Variants in DPY19L2 observed in about 807,000 individuals in gnomAD.
DPY19L2 encodes dpy-19 like 2.
Under a neutral mutation model 97.9 loss-of-function variants are expected in DPY19L2, and 34 were observed. That is an observed-to-expected ratio of 0.35 (90% CI 0.26 to 0.46). The LOEUF is 0.46. DPY19L2 is among the 20% of genes least tolerant of loss of function. DPY19L2 has a pLI of 1.00. For synonymous variants in DPY19L2, 230 were observed against 307.9 expected (o/e 0.75, Z 2.65); for missense variants, 623 against 911.4 (o/e 0.68, Z 4.07).
intron 21 of DPY19L2, among the ~76,000 whole-genome samples, chr12:63,564,593 T>C (rs1197630636): frequency 1.3e-5 from 2 of 152,198 alleles, no homozygotes; most frequent in Non-Finnish European, 2.9e-5. Context: ...TCAGAGATTG[T>C]ATTTTACATG....
At chr12:63,635,005 G>A (rs1472471932) in intron 6 of DPY19L2, among the ~76,000 whole-genome samples, 12 of 152,126 alleles carry the variant, frequency 7.9e-5, no homozygotes, top group African/African-American at 2.9e-4. Context: ...CCTGACCTCC[G>A]AGTAGCATAA....
At chr12:63,665,768 T>G (rs1896263116) in intron 2 of DPY19L2, 67 bp downstream of exon 2, 1 of 1,264,120 alleles carries the variant, frequency 7.9e-7, no homozygotes, top group Non-Finnish European at 1.1e-6. Context: ...TTTTACTGTA[T>G]GCAAAGAGTG....
intron 12 of DPY19L2, 90 bp downstream of exon 12, chr12:63,608,526 A>C: frequency 8.5e-7 from 1 of 1,178,178 alleles, no homozygotes; most frequent in Non-Finnish European, 1.2e-6. Flanking sequence ...ACTATAAATC[A>C]TTAGCATTTT....
At chr12:63,660,733 T>C (rs542802894) in intron 4 of DPY19L2, among the ~76,000 whole-genome samples, 254 of 152,238 alleles carry the variant, frequency 1.7e-3, no homozygotes, top group Non-Finnish European at 2.9e-3. Flanking sequence ...AAGTTTTCAT[T>C]AATATGCTGG....
chr12:63,584,708 T>C (rs561371613), intron 16 of DPY19L2, among the ~76,000 whole-genome samples: 13 of 152,236 alleles, frequency 8.5e-5, no homozygotes, highest in Non-Finnish European at 1.8e-4. Context: ...AAGTAACCCT[T>C]TTCTGACTTA....
chr12:63,587,557 A>AATTATTATTATTATTATT lies in DPY19L2; in HGVS notation c.1581-3739_1581-3722dup, dbSNP rs201195590. On this transcript the variant is annotated intron_variant, in intron 16 of 21. Transcript: ENST00000324472. ...AAGAAACTAGTTAGACATTTTTAAA[A>AATTATTATTATTATTATT]ATTATTATTATTATTATTATTATTA... Among the ~76,000 whole-genome samples the AATTATTATTATTATTATT allele has an allele frequency of 5.7e-3, 781 of 136,218 alleles. 4 individuals are homozygous for AATTATTATTATTATTATT. Among genetic ancestry groups the AATTATTATTATTATTATT allele is most frequent in the Non-Finnish European group, 8.0e-3 (510 of 63,906 alleles). 89.4% of individuals were successfully genotyped at this position (136,218 alleles called of 152,430 possible). A position where few individuals can be genotyped will look rare whatever the true frequency, so the allele number is the denominator to read the frequency against.
At chr12:63,610,486 A>G (rs1212799342) in intron 11 of DPY19L2, among the ~76,000 whole-genome samples, 1 of 151,904 alleles carries the variant, frequency 6.6e-6, no homozygotes, top group Non-Finnish European at 1.5e-5. Flanking sequence ...GCAACTATGA[A>G]CAATTATATG....
intron 8 of DPY19L2, among the ~76,000 whole-genome samples, chr12:63,622,901 G>A (rs1294208925): frequency 2.0e-5 from 3 of 152,154 alleles, no homozygotes; most frequent in Non-Finnish European, 4.4e-5. Flanking sequence ...TCCAGCCTGG[G>A]TGACAGAGCA....
intron 11 of DPY19L2, among the ~76,000 whole-genome samples, chr12:63,612,602 T>TAAA (rs1887194032): frequency 3.4e-5 from 2 of 59,506 alleles, no homozygotes; most frequent in South Asian, 8.7e-4. Context: ...CTTTATACCT[T>TAAA]TAAAAAAAAA....
chr12:63,632,917 T>C (rs1284218552), intron 6 of DPY19L2, among the ~76,000 whole-genome samples: 1 of 152,080 alleles, frequency 6.6e-6, no homozygotes, highest in Non-Finnish European at 1.5e-5. Context: ...GCTGCATATC[T>C]ACAACCATCT....
At chr12:63,604,034 C>T (rs773042833) in intron 12 of DPY19L2, among the ~76,000 whole-genome samples, 1 of 152,310 alleles carries the variant, frequency 6.6e-6, no homozygotes, top group African/African-American at 2.4e-5. Context: ...TTCAATTAAC[C>T]ATTCTTTAAG....
chr12:63,628,666 C>A (rs1890029988), intron 6 of DPY19L2, among the ~76,000 whole-genome samples: 1 of 152,004 alleles, frequency 6.6e-6, no homozygotes, highest in East Asian at 1.9e-4. Flanking sequence ...CAAAAGGCAG[C>A]AGAATCCTCT....
At chr12:63,582,723 G>A (rs1372919122) in intron 17 of DPY19L2, among the ~76,000 whole-genome samples, 198 bp from the exon 18 acceptor site, 1 of 152,144 alleles carries the variant, frequency 6.6e-6, no homozygotes, top group Non-Finnish European at 1.5e-5. Flanking sequence ...ATACAGCAGT[G>A]AGCAATTTCT....
At chr12:63,663,391 ATCG>A (rs1285120682) in intron 3 of DPY19L2, among the ~76,000 whole-genome samples, 18 of 152,294 alleles carry the variant, frequency 1.2e-4, no homozygotes, top group African/African-American at 4.3e-4. Flanking sequence ...CCAAATAATA[ATCG>A]TCATCATTAA....
intron 16 of DPY19L2, 87 bp downstream of exon 16, chr12:63,594,000 T>C: frequency 2.3e-6 from 2 of 869,614 alleles, no homozygotes; most frequent in African/African-American, 1.7e-5. Flanking sequence ...TAAAGTTTAA[T>C]GCATATTCAT....
chr12:63,622,367 A>G, intron 8 of DPY19L2, among the ~76,000 whole-genome samples: 1 of 152,170 alleles, frequency 6.6e-6, no homozygotes, highest in Non-Finnish European at 1.5e-5. Flanking sequence ...GAGAGAAGGC[A>G]AAGTGTAGAG....
At chr12:63,591,669 T>C (rs1315686448) in intron 16 of DPY19L2, among the ~76,000 whole-genome samples, 2 of 152,104 alleles carry the variant, frequency 1.3e-5, no homozygotes, top group South Asian at 4.2e-4. Flanking sequence ...ACAATAAGTT[T>C]AGAAGAAAAT....
At chr12:63,656,844 T>A (rs1895036759) in intron 4 of DPY19L2, among the ~76,000 whole-genome samples, 1 of 152,204 alleles carries the variant, frequency 6.6e-6, no homozygotes, top group Non-Finnish European at 1.5e-5. Flanking sequence ...ATTTTTTACT[T>A]CTTTTTTTTA....
chr12:63,617,411 A>G, intron 10 of DPY19L2, 21 bp from the exon 11 acceptor site: 1 of 1,495,548 alleles, frequency 6.7e-7, no homozygotes, highest in Non-Finnish European at 9.2e-7. Context: ...TGAAAAAAAT[A>G]CATTTTATGG....
Sources: gnomAD v4.1 joint callset for allele counts (sites outside exome capture counted in the v4.1 genomes callset) on GRCh38, gnomAD v4.1.1 for gene constraint, MANE v1.5 for transcripts, NCBI Gene and HGNC (gene_info 2026-07-23, HGNC 2026-07-21) for gene names.